C19orf47: variants seen among roughly 807,000 people sequenced by gnomAD.
C19orf47 encodes the protein chromosome 19 open reading frame 47, also known as uncharacterized protein C19orf47.
A neutral mutation model predicts 32.3 loss-of-function variants in C19orf47; 18 were observed. The ratio of observed to expected loss-of-function variants is 0.56; its 90% confidence interval spans 0.39 to 0.83. C19orf47 has a LOEUF of 0.83. Among genes scored for constraint, C19orf47 ranks in the 40% least tolerant of loss-of-function variants. The pLI is 0.00. For synonymous variants in C19orf47, 202 were observed against 211.1 expected, an observed-to-expected ratio of 0.96 and a Z score of 0.37; for missense variants, 484 against 531.6, an observed-to-expected ratio of 0.91 and a Z score of 0.88.
At chr19:40,333,064 C>G (rs2077987503) in intron 5 of C19orf47, among the ~76,000 whole-genome samples, 1 of 152,078 alleles carries the variant, frequency 6.6e-6, no homozygotes, top group South Asian at 2.1e-4. Context: ...TCGAGACCAG[C>G]CTGGCCAAGA....
chr19:40,336,175 G>A lies in C19orf47; in HGVS notation c.157C>T (p.Leu53=), dbSNP rs1365705557. The change falls in exon 4 of 9, where the codon CTG becomes TTG. Residue 53 remains leucine, a synonymous_variant. Transcript: ENST00000683109. ...LDLNKEIMNE[L]GVTVVGDIIA... ...ATGTCACCCACCACGGTCACGCCCA[G>A]CTCATTCATTATCTCCTTATTGAGA... 2.5e-6 allele frequency: 4 copies of A among 1,614,186 alleles called. No homozygotes were observed. The highest frequency in any genetic ancestry group is 3.4e-6 in the Non-Finnish European group (4 of 1,180,030).
At chr19:40,323,834 AG>A (rs2077771529) in intron 8 of C19orf47, among the ~76,000 whole-genome samples, 171 bp downstream of exon 8, 1 of 152,206 alleles carries the variant, frequency 6.6e-6, no homozygotes, top group African/African-American at 2.4e-5. Flanking sequence ...GAGAGAAGCC[AG>A]GGCAGAAGAC....
In C19orf47 at chr19:40,326,355, C is replaced by G. The variant is rs768459626; in HGVS notation, c.571G>C (p.Glu191Gln). 9 of 1,614,056 alleles carry G rather than the reference C, an allele frequency of 5.6e-6. No individual in the cohort carries two copies. The highest frequency in any genetic ancestry group is 5.1e-6 in the Non-Finnish European group (6 of 1,180,036). Residue 191 changes from glutamate to glutamine, a missense_variant, in exon 7 of 9, where the codon GAG becomes CAG. Around this residue, in one of 3 missense-constraint regions of C19orf47, gnomAD observed 376 missense variants for 370.2 expected, o/e 1.02. Coordinates refer to ENST00000683109, the MANE Select transcript of C19orf47 (RefSeq NM_001256441.2). ...GTACCTTTTGCAGCCTGCTGCTGCT[C>G]CAGGATCTTGCGGGTGCGGGGTGTG... ...GTTPRTRKILEQQQAAKGLHR... is the reference protein window; with the variant it reads ...GTTPRTRKILQQQQAAKGLHR...
At chr19:40,344,432 T>A (rs542139932) in intron 1 of C19orf47, among the ~76,000 whole-genome samples, 2 of 151,178 alleles carry the variant, frequency 1.3e-5, no homozygotes, top group African/African-American at 4.9e-5. Flanking sequence ...TGGGCCGAGA[T>A]CACACCACTG....
intron 6 of C19orf47, 120 bp downstream of exon 6, chr19:40,328,293 T>G: frequency 7.1e-7 from 1 of 1,416,618 alleles, no homozygotes; most frequent in Non-Finnish European, 9.5e-7. Context: ...CAGGTTCAAA[T>G]GTTTTGTATA....
intron 2 of C19orf47, chr19:40,339,100 A>C (rs550126844): frequency 1.3e-4 from 20 of 153,078 alleles, no homozygotes; most frequent in Non-Finnish European, 2.6e-4. Flanking sequence ...GAGAAGGAAC[A>C]AAGAAATCTG....
chr19:40,316,009 AAGAGAG>A (rs201817186), downstream of C19orf47, among the ~76,000 whole-genome samples: 2 of 151,154 alleles, frequency 1.3e-5, no homozygotes, highest in Non-Finnish European at 3.0e-5. Flanking sequence ...CAAAAAAAAA[AAGAGAG>A]AGAGAGAGAG....
At chr19:40,334,962 G>GAGGGAGGGAGGGAGGAAGGA (rs1489712873) in intron 4 of C19orf47, 122 of 139,574 alleles carry the variant, frequency 8.7e-4, no homozygotes, top group African/African-American at 3.1e-3. Flanking sequence ...GGGGGGTAGG[G>GAGGGAGGGAGGGAGGAAGGA]AGGGAGGGAG....
chr19:40,327,694 C>G, intron 6 of C19orf47, among the ~76,000 whole-genome samples: 1 of 152,076 alleles, frequency 6.6e-6, no homozygotes, highest in East Asian at 1.9e-4. Context: ...ACGGGAAGGC[C>G]TGGGAGCCCA....
At chr19:40,339,980 C>CAAA (rs548548957) in intron 2 of C19orf47, among the ~76,000 whole-genome samples, 1 of 68,696 alleles carries the variant, frequency 1.5e-5, no homozygotes. Flanking sequence ...CATCTCAAAA[C>CAAA]AAAAAAAAAA....
intron 5 of C19orf47, among the ~76,000 whole-genome samples, chr19:40,330,339 G>A (rs926387063): frequency 2.7e-5 from 4 of 150,680 alleles, no homozygotes; most frequent in African/African-American, 9.8e-5. Flanking sequence ...CACCATTCTC[G>A]TGCCTCAGCC....
chr19:40,342,205 G>C, intron 1 of C19orf47: 1 of 424,484 alleles, frequency 2.4e-6, no homozygotes, highest in Non-Finnish European at 3.8e-6. Flanking sequence ...ATAAATACCA[G>C]CCAAGCATGC....
At chr19:40,344,623 T>G (rs899072884) in intron 1 of C19orf47, among the ~76,000 whole-genome samples, 1 of 152,114 alleles carries the variant, frequency 6.6e-6, no homozygotes, top group Non-Finnish European at 1.5e-5. Flanking sequence ...TGCAGATGCA[T>G]CCCAACAGCT....
chr19:40,341,872 T>G lies in C19orf47; in HGVS notation c.-15A>C, dbSNP rs1217141449. 3.9e-6 allele frequency: 6 copies of G among 1,536,190 alleles called. No individual in the cohort carries two copies. Among genetic ancestry groups the G allele is most frequent in the Middle Eastern group, 1.7e-4 (1 of 5,988 alleles). Reference sequence around the variant, plus strand: ...ACGGAGACCATCGTCTCCCTGGCCCTGACACTGCTCCCTGGAGCCTGAAAG... The same window carrying G: ...ACGGAGACCATCGTCTCCCTGGCCCGGACACTGCTCCCTGGAGCCTGAAAG... On this transcript the variant is annotated 5_prime_UTR_variant, in exon 2 of 9. Coordinates refer to ENST00000683109, the MANE Select transcript of C19orf47 (RefSeq NM_001256441.2).
rs965313292 is a variant in C19orf47 at position 40,342,004 on chromosome 19, C to T, written c.-33-114G>A. The T allele has an allele frequency of 1.4e-5, 21 of 1,511,560 alleles. No homozygotes were observed. In the Admixed American group the frequency reaches 2.0e-4, roughly 15 times the overall value. 93.6% of individuals were successfully genotyped at this position (1,511,560 alleles called of 1,614,324 possible). A position where few individuals can be genotyped will look rare whatever the true frequency, so the allele number is the denominator to read the frequency against. On this transcript the variant is annotated intron_variant, in intron 1 of 8. Coordinates refer to ENST00000683109, the MANE Select transcript of C19orf47 (RefSeq NM_001256441.2). ...GGAATGTTCCTGGGCTAGGGGCTCA[C>T]CGCCCAGGAATAGCCTGGAGCAGCT...
chr19:40,303,219 A>G, the C19orf47 span, among the ~76,000 whole-genome samples: 3 of 146,812 alleles, frequency 2.0e-5, no homozygotes, highest in Non-Finnish European at 4.5e-5. Flanking sequence ...CAAGAACAAA[A>G]CTCCATCTAA....
At chr19:40,318,082 G>A (rs897508054), downstream of C19orf47, among the ~76,000 whole-genome samples, 2 of 152,072 alleles carry the variant, frequency 1.3e-5, no homozygotes, top group African/African-American at 4.8e-5. Context: ...TTTCAAATCT[G>A]CTATCAAGGC....
chr19:40,333,949 A>G lies in C19orf47; in HGVS notation c.223-20T>C. On this transcript the variant is annotated intron_variant, in intron 4 of 8. Transcript: ENST00000683109. ...CATGTCCTGTGAAAAAAGAACAGGC[A>G]CCTGGGTCACCACAGAAGAATCATG... 6.5e-7 allele frequency: 1 copy of G among 1,540,518 alleles called. No homozygotes were observed. Among genetic ancestry groups the G allele is most frequent in the Middle Eastern group, 1.7e-4 (1 of 5,956 alleles).
chr19:40,326,540 G>A, intron 6 of C19orf47, 54 bp from the exon 7 acceptor site: 1 of 1,583,342 alleles, frequency 6.3e-7, no homozygotes, highest in South Asian at 1.1e-5. Context: ...CGTTCTCCCA[G>A]GATGGAAGCT....
Sources: gnomAD v4.1 joint callset for allele counts (sites outside exome capture counted in the v4.1 genomes callset) on GRCh38, gnomAD v4.1.1 for gene constraint, gnomAD v4.1.1 regional missense constraint, MANE v1.5 for transcripts, NCBI Gene and HGNC (gene_info 2026-07-23, HGNC 2026-07-21) for gene names.